ENOX1: variants seen among roughly 807,000 people sequenced by gnomAD.
The protein encoded by ENOX1 is candidate growth-related and time keeping constitutive hydroquinone (NADH) oxidase.
A neutral mutation model predicts 82.5 loss-of-function variants in ENOX1; 42 were observed. The ratio of observed to expected loss-of-function variants is 0.51; its 90% CI spans 0.40 to 0.66. The LOEUF (loss-of-function observed/expected upper bound fraction) is 0.66. ENOX1 is among the 30% of genes least tolerant of loss of function. ENOX1 has a pLI of 0.00. For missense variants in ENOX1, 608 were observed against 811.6 expected, an observed-to-expected ratio of 0.75 and a Z score of 3.05; for synonymous variants, 271 against 282.2, an observed-to-expected ratio of 0.96 and a Z score of 0.40.
At chr13:43,388,384 C>T (rs2052561505) in intron 5 of ENOX1, among the ~76,000 whole-genome samples, 1 of 152,176 alleles carries the variant, frequency 6.6e-6, no homozygotes, top group African/African-American at 2.4e-5. Flanking sequence ...CTAAAAATGA[C>T]TTGTGAGGGG....
At chr13:43,739,336 C>A (rs1297419749) in intron 1 of ENOX1, among the ~76,000 whole-genome samples, 2 of 152,020 alleles carry the variant, frequency 1.3e-5, no homozygotes, top group Non-Finnish European at 2.9e-5. Flanking sequence ...TTGCTTGAGT[C>A]CAGGAGTTCA....
At chr13:43,649,643 A>G (rs759428059) in intron 2 of ENOX1, among the ~76,000 whole-genome samples, 2 of 152,156 alleles carry the variant, frequency 1.3e-5, no homozygotes, top group Non-Finnish European at 2.9e-5. Flanking sequence ...ATGACCTTGA[A>G]GAAGACATTT....
At chr13:43,632,549 G>A (rs890906344) in intron 2 of ENOX1, among the ~76,000 whole-genome samples, 1 of 151,766 alleles carries the variant, frequency 6.6e-6, no homozygotes, top group Non-Finnish European at 1.5e-5. Context: ...GTGTTCAAGC[G>A]ATTCTCCTGC....
chr13:43,311,259 A>C (rs1249175940), intron 11 of ENOX1, among the ~76,000 whole-genome samples: 1 of 152,086 alleles, frequency 6.6e-6, no homozygotes, highest in Non-Finnish European at 1.5e-5. Flanking sequence ...CTGAAGCCAG[A>C]TACCAGCTAT....
intron 1 of ENOX1, among the ~76,000 whole-genome samples, chr13:43,768,159 T>G (rs1378381700): frequency 1.3e-5 from 2 of 152,242 alleles, no homozygotes; most frequent in Non-Finnish European, 2.9e-5. Context: ...GTGCTTTCAT[T>G]TATGTTGTGC....
chr13:43,543,902 T>G (rs2078854653), intron 2 of ENOX1: 1 of 144,240 alleles, frequency 6.9e-6, no homozygotes, highest in Admixed American at 7.5e-5. Flanking sequence ...ATTATTGTCT[T>G]TTTTCTTTTT....
At chr13:43,217,842 A>G (rs955225716) in intron 16 of ENOX1, among the ~76,000 whole-genome samples, 3 of 152,218 alleles carry the variant, frequency 2.0e-5, no homozygotes, top group Admixed American at 2.0e-4. Context: ...GCCATTCAAA[A>G]TTTATCTGTC....
intron 1 of ENOX1, among the ~76,000 whole-genome samples, chr13:43,689,566 C>T (rs977445272): frequency 5.9e-5 from 9 of 152,218 alleles, no homozygotes; most frequent in Non-Finnish European, 8.8e-5. Flanking sequence ...ATCAGCTTCT[C>T]GAAAAAGCCA....
chr13:43,541,675 T>C (rs1297758500), intron 2 of ENOX1, among the ~76,000 whole-genome samples: 2 of 152,198 alleles, frequency 1.3e-5, no homozygotes, highest in Non-Finnish European at 2.9e-5. Flanking sequence ...AGAAAATAAA[T>C]TGAAATAGGC....
intron 2 of ENOX1, among the ~76,000 whole-genome samples, chr13:43,489,549 G>A (rs2076548925): frequency 6.6e-6 from 1 of 152,168 alleles, no homozygotes; most frequent in African/African-American, 2.4e-5. Context: ...TAGTGGAACT[G>A]TGGGGTCAGA....
In ENOX1 at chr13:43,434,510, T is replaced by C. The variant is rs563351696; in HGVS notation, c.-74-21522A>G. Among the ~76,000 whole-genome samples, 4 of 152,264 alleles carry C rather than the reference T, an allele frequency of 2.6e-5. 1 individual carries two copies. The highest frequency in any genetic ancestry group is 4.1e-4 in the South Asian group (2 of 4,820). Reference sequence around the variant, plus strand: ...ACCTCCTCCAAGACACCATGTAAGATCAATTTTCTACAACCACTTGCTCCT... The same window carrying C: ...ACCTCCTCCAAGACACCATGTAAGACCAATTTTCTACAACCACTTGCTCCT... On this transcript the variant is annotated intron_variant, in intron 3 of 16. Transcript: ENST00000690772.
chr13:43,706,009 T>C (rs1209788045), intron 1 of ENOX1, among the ~76,000 whole-genome samples: 2 of 151,940 alleles, frequency 1.3e-5, no homozygotes, highest in Non-Finnish European at 2.9e-5. Context: ...TATTAAGAGG[T>C]CTAGAAATTA....
At chr13:43,346,857 T>A (rs2049415274) in intron 8 of ENOX1, among the ~76,000 whole-genome samples, 1 of 108,838 alleles carries the variant, frequency 9.2e-6, no homozygotes. Context: ...ATAAACCTAA[T>A]GCTTAGAAGA....
chr13:43,374,203 T>TTTCC (rs546603768), intron 5 of ENOX1, among the ~76,000 whole-genome samples: 9 of 150,652 alleles, frequency 6.0e-5, no homozygotes, highest in Admixed American at 5.3e-4. Flanking sequence ...CCTCCCTTTC[T>TTTCC]TTCCTTCCTT....
At chr13:43,432,514 A>T (rs2055738508) in intron 3 of ENOX1, among the ~76,000 whole-genome samples, 1 of 152,088 alleles carries the variant, frequency 6.6e-6, no homozygotes, top group Admixed American at 6.5e-5. Flanking sequence ...GTGGTGGCGC[A>T]TGTTTGTAAT....
chr13:43,427,461 G>A (rs2055383898), intron 3 of ENOX1, among the ~76,000 whole-genome samples: 1 of 152,234 alleles, frequency 6.6e-6, no homozygotes, highest in African/African-American at 2.4e-5. Flanking sequence ...TAGCCTGGAT[G>A]TCTGTTGTTA....
chr13:43,445,987 G>T (rs1594653909), intron 3 of ENOX1, among the ~76,000 whole-genome samples: 1 of 152,184 alleles, frequency 6.6e-6, no homozygotes, highest in East Asian at 1.9e-4. Context: ...CTCCAATCTG[G>T]GTAATAGCTA....
intron 1 of ENOX1, among the ~76,000 whole-genome samples, chr13:43,764,888 G>A (rs986130786): frequency 1.3e-5 from 2 of 152,202 alleles, no homozygotes; most frequent in African/African-American, 4.8e-5. Context: ...ACATTTGCAA[G>A]TGCCAAATAT....
intron 1 of ENOX1, among the ~76,000 whole-genome samples, chr13:43,716,411 G>C (rs1169099235): frequency 6.6e-6 from 1 of 152,156 alleles, no homozygotes; most frequent in African/African-American, 2.4e-5. Context: ...CCCATCTTCT[G>C]CGTCGCTCAT....
Sources: gnomAD v4.1 joint callset for allele counts (sites outside exome capture counted in the v4.1 genomes callset) on GRCh38, gnomAD v4.1.1 for gene constraint, MANE v1.5 for transcripts, NCBI Gene and HGNC (gene_info 2026-07-23, HGNC 2026-07-21) for gene names.